DOCK2: variants seen among roughly 807,000 people sequenced by gnomAD.
The protein encoded by DOCK2 is dedicator of cytokinesis 2.
Under a neutral mutation model 248.9 loss-of-function variants are expected in DOCK2, and 87 were observed. The ratio of observed to expected loss-of-function variants is 0.35; its 90% CI spans 0.29 to 0.42. The LOEUF is 0.42. Among genes scored for constraint, DOCK2 ranks in the 10% least tolerant of loss-of-function variants. The probability of loss-of-function intolerance (pLI) is 1.00; values close to 1 mark genes in which losing one functional copy is unlikely to be tolerated. For synonymous variants in DOCK2, 805 were observed against 821.6 expected (o/e 0.98, Z 0.35); for missense variants, 1,747 against 2,300.2 (o/e 0.76, Z 4.92).
chr5:169,691,384 G>A (rs557438101), intron 9 of DOCK2, among the ~76,000 whole-genome samples: 7 of 152,262 alleles, frequency 4.6e-5, no homozygotes, highest in African/African-American at 9.6e-5. Flanking sequence ...GGGCAAGGAA[G>A]GTGATGGTGC....
chr5:169,916,627 A>G (rs1774887832), intron 27 of DOCK2, among the ~76,000 whole-genome samples: 1 of 152,230 alleles, frequency 6.6e-6, no homozygotes, highest in Non-Finnish European at 1.5e-5. Flanking sequence ...AGTGCTTAGA[A>G]GAGTACCTGG....
At chr5:169,879,343 G>T (rs1422628693) in intron 27 of DOCK2, among the ~76,000 whole-genome samples, 1 of 152,142 alleles carries the variant, frequency 6.6e-6, no homozygotes, top group Admixed American at 6.5e-5. Flanking sequence ...CACAACGCAA[G>T]TTTGAAGTCA....
At chr5:170,003,722 A>G (rs755879640) in intron 30 of DOCK2, among the ~76,000 whole-genome samples, 7 of 152,234 alleles carry the variant, frequency 4.6e-5, no homozygotes, top group Non-Finnish European at 1.0e-4. Context: ...TGGAAATTGT[A>G]TGAGACTTTA....
At chr5:169,817,087 A>G (rs1248810044) in intron 26 of DOCK2, among the ~76,000 whole-genome samples, 1 of 152,148 alleles carries the variant, frequency 6.6e-6, no homozygotes, top group Non-Finnish European at 1.5e-5. Context: ...AGACATCTGA[A>G]TTGTGACCTC....
At chr5:169,689,047 A>G (rs1300341501) in intron 8 of DOCK2, among the ~76,000 whole-genome samples, 3 of 152,098 alleles carry the variant, frequency 2.0e-5, no homozygotes, top group African/African-American at 7.2e-5. Context: ...GCATAGGTTA[A>G]TAGTTCTTTG....
intron 26 of DOCK2, among the ~76,000 whole-genome samples, chr5:169,813,778 A>G (rs917298046): frequency 4.6e-5 from 7 of 152,278 alleles, no homozygotes; most frequent in Middle Eastern, 3.4e-3. Flanking sequence ...AGCATTGAGA[A>G]TGTCGAGGTC....
At chr5:169,675,166 C>T (rs1423655482) in intron 6 of DOCK2, among the ~76,000 whole-genome samples, 1 of 152,176 alleles carries the variant, frequency 6.6e-6, no homozygotes, top group Non-Finnish European at 1.5e-5. Context: ...TGTCCAGAGT[C>T]GCGCAGCTAG....
chr5:169,925,464 C>T (rs1313967114), intron 27 of DOCK2, among the ~76,000 whole-genome samples: 2 of 151,568 alleles, frequency 1.3e-5, no homozygotes, highest in African/African-American at 2.4e-5. Flanking sequence ...CCTGTAATCC[C>T]AGCTACTTGG....
chr5:169,829,054 T>C (rs1431746298), intron 26 of DOCK2, among the ~76,000 whole-genome samples: 1 of 152,124 alleles, frequency 6.6e-6, no homozygotes, highest in Non-Finnish European at 1.5e-5. Flanking sequence ...GGGCTGATGA[T>C]GATGCAGAGG....
intron 26 of DOCK2, among the ~76,000 whole-genome samples, chr5:169,814,205 G>A (rs192459202): frequency 3.0e-4 from 45 of 152,290 alleles, no homozygotes; most frequent in Non-Finnish European, 6.0e-4. Context: ...TGAGCAAAGG[G>A]AAACCACCAG....
chr5:169,920,225 T>C (rs1467331051), intron 27 of DOCK2, among the ~76,000 whole-genome samples: 5 of 152,178 alleles, frequency 3.3e-5, no homozygotes, highest in Non-Finnish European at 5.9e-5. Context: ...CCATGCCATA[T>C]TGCTGGCACC....
intron 27 of DOCK2, among the ~76,000 whole-genome samples, chr5:169,982,733 A>G (rs1330842027): frequency 6.6e-6 from 1 of 152,248 alleles, no homozygotes; most frequent in Non-Finnish European, 1.5e-5. Flanking sequence ...CTAGAGGTAG[A>G]TTCAGATGAA....
rs1321630215 is a variant in DOCK2 at position 170,034,560 on chromosome 5, G to A, written c.3624+5G>A. On this transcript the variant is annotated splice_donor_5th_base_variant and intron_variant, in intron 35 of 51. Coordinates refer to ENST00000520908, the MANE Select transcript of DOCK2 (RefSeq NM_004946.3). ...AGCTGCACCGTGAACCTGCTGGTGC[G>A]TGGGGCTGGCGGGTCCAAGTCAGAC... 6.2e-6 allele frequency: 10 copies of A among 1,613,820 alleles called. No homozygotes were observed. The highest frequency in any genetic ancestry group is 1.3e-5 in the African/African-American group (1 of 74,936).
chr5:169,833,832 G>C (rs1267676457), intron 26 of DOCK2, among the ~76,000 whole-genome samples: 1 of 152,172 alleles, frequency 6.6e-6, no homozygotes, highest in East Asian at 1.9e-4. Context: ...ATTCTTATTT[G>C]TGAAATCCTA....
chr5:169,891,658 G>A (rs1186755061), intron 27 of DOCK2, among the ~76,000 whole-genome samples: 10 of 152,048 alleles, frequency 6.6e-5, no homozygotes, highest in Admixed American at 6.6e-4. Context: ...CTAAGACTCT[G>A]AGCAGCTGTC....
At chr5:169,969,836 A>AGG (rs1777436237) in intron 27 of DOCK2, among the ~76,000 whole-genome samples, 1 of 152,266 alleles carries the variant, frequency 6.6e-6, no homozygotes, top group South Asian at 2.1e-4. Flanking sequence ...TGCTCTCTTC[A>AGG]GGGGGCAGCT....
intron 25 of DOCK2, among the ~76,000 whole-genome samples, chr5:169,774,599 G>A (rs1765275594): frequency 6.6e-6 from 1 of 152,182 alleles, no homozygotes; most frequent in Non-Finnish European, 1.5e-5. Context: ...GATTGGAGAA[G>A]AAAAGATTTA....
At chr5:170,047,711 G>C in intron 40 of DOCK2, 97 bp downstream of exon 40, 1 of 1,135,920 alleles carries the variant, frequency 8.8e-7, no homozygotes, top group Non-Finnish European at 1.3e-6. Flanking sequence ...GTGCTCAGAA[G>C]CGGTGCTCTT....
At chr5:169,667,639 T>C (rs898938902) in intron 2 of DOCK2, among the ~76,000 whole-genome samples, 1 of 152,218 alleles carries the variant, frequency 6.6e-6, no homozygotes, top group Admixed American at 6.5e-5. Context: ...CCACTAGCTG[T>C]GTGACCATCA....
Sources: allele counts gnomAD v4.1 joint callset (sites outside exome capture counted in the v4.1 genomes callset), GRCh38; gene constraint gnomAD v4.1.1; transcripts MANE v1.5; gene names NCBI Gene and HGNC (gene_info 2026-07-23, HGNC 2026-07-21).